IGSF10: variants seen among roughly 807,000 people sequenced by gnomAD.
IGSF10 encodes calvaria mechanical force protein 608.
Under a neutral mutation model 128.2 loss-of-function variants are expected in IGSF10, and 126 were observed. That is an observed-to-expected ratio of 0.98 (90% CI 0.85 to 1.14). The LOEUF (loss-of-function observed/expected upper bound fraction) is 1.14, where lower values mean the gene tolerates loss of function less well. Among genes scored for constraint, IGSF10 ranks in the 50% most tolerant of loss-of-function variants. The pLI is 0.00. For synonymous variants in IGSF10, 1,185 were observed against 1,146.2 expected, an observed-to-expected ratio of 1.03 and a Z score of -0.68; for missense variants, 3,295 against 3,149.8, an observed-to-expected ratio of 1.05 and a Z score of -1.10.
rs989661995 is a variant in IGSF10 at position 151,446,262 on chromosome 3, G to T, written c.3719C>A (p.Pro1240His). 6.2e-7 allele frequency: 1 copy of T among 1,613,856 alleles called. No individual in the cohort carries two copies. The highest frequency in any genetic ancestry group is 8.5e-7 in the Non-Finnish European group (1 of 1,179,876). ...STAVMLPKTS[P>H]ALPRDKVSPF... ...GGAGACTTTGTCTCTGGGTAAAGCA[G>T]GAGATGTTTTAGGAAGCATCACAGC... Residue 1240 changes from proline to histidine, a missense_variant, in exon 6 of 8, where the codon CCT becomes CAT. Coordinates refer to ENST00000282466, the MANE Select transcript of IGSF10 (RefSeq NM_178822.5).
the IGSF10 span, among the ~76,000 whole-genome samples, chr3:151,527,203 C>T: frequency 1.3e-5 from 2 of 152,146 alleles, no homozygotes; most frequent in Non-Finnish European, 2.9e-5. Flanking sequence ...CCCAGCCTGG[C>T]TCTGGAAAAT....
chr3:151,587,052 T>C, the IGSF10 span, among the ~76,000 whole-genome samples: 2 of 152,160 alleles, frequency 1.3e-5, no homozygotes, highest in African/African-American at 4.8e-5. Flanking sequence ...AGCATTTGTT[T>C]TGGTAAGAAA....
At chr3:151,517,491 T>C in the IGSF10 span, among the ~76,000 whole-genome samples, 1 of 151,998 alleles carries the variant, frequency 6.6e-6, no homozygotes, top group African/African-American at 2.4e-5. Context: ...AATCTTTGCA[T>C]GCAGTCATCT....
chr3:151,477,759 G>A, the IGSF10 span, among the ~76,000 whole-genome samples: 1 of 152,166 alleles, frequency 6.6e-6, no homozygotes, highest in Non-Finnish European at 1.5e-5. Flanking sequence ...TGATGTTAGA[G>A]AAGGGGTTGG....
At chr3:151,525,726 C>A in the IGSF10 span, among the ~76,000 whole-genome samples, 1 of 152,170 alleles carries the variant, frequency 6.6e-6, no homozygotes, top group African/African-American at 2.4e-5. Context: ...CACTCCATAC[C>A]CTTACCCTTT....
At chr3:151,536,377 T>C in the IGSF10 span, among the ~76,000 whole-genome samples, 1 of 152,278 alleles carries the variant, frequency 6.6e-6, no homozygotes, top group African/African-American at 2.4e-5. Flanking sequence ...CTTTCCCATG[T>C]AGAGTTTATT....
the IGSF10 span, among the ~76,000 whole-genome samples, chr3:151,544,036 A>C: frequency 6.6e-6 from 1 of 152,280 alleles, no homozygotes; most frequent in African/African-American, 2.4e-5. Flanking sequence ...CAGCCTCCCA[A>C]GTAGCTGGGA....
At chr3:151,550,755 G>A in the IGSF10 span, among the ~76,000 whole-genome samples, 9 of 151,988 alleles carry the variant, frequency 5.9e-5, no homozygotes, top group African/African-American at 2.2e-4. Context: ...GGCTTCATGT[G>A]GCCAGCACCA....
upstream of IGSF10, among the ~76,000 whole-genome samples, chr3:151,465,564 G>C (rs988422465): frequency 6.6e-6 from 1 of 152,192 alleles, no homozygotes; most frequent in Non-Finnish European, 1.5e-5. Context: ...TTAATGAAAA[G>C]ACATTATTAT....
the IGSF10 span, among the ~76,000 whole-genome samples, chr3:151,559,988 G>A: frequency 2.6e-5 from 4 of 152,046 alleles, no homozygotes; most frequent in Admixed American, 2.6e-4. Context: ...TTTATGAGGA[G>A]ATGGTGTAGT....
intron 2 of IGSF10, among the ~76,000 whole-genome samples, chr3:151,460,014 C>G (rs1053102367): frequency 1.1e-4 from 17 of 152,142 alleles, no homozygotes; most frequent in African/African-American, 4.1e-4. Flanking sequence ...TCGTAACCAC[C>G]TGGTTACAAT....
rs1721004797 is a variant in IGSF10, at chr3:151,443,718, A to G, written c.5229T>C (p.Tyr1743=). The G allele has an allele frequency of 6.2e-7, 1 of 1,614,122 alleles. No individual in the cohort carries two copies. The highest frequency in any genetic ancestry group is 1.3e-5 in the African/African-American group (1 of 75,004). The change falls in exon 7 of 8, where the codon TAT becomes TAC. Residue 1743 remains tyrosine (Y), a synonymous_variant. Coordinates refer to ENST00000282466, the MANE Select transcript of IGSF10 (RefSeq NM_178822.5). ...TACGTCTCTCCAGGATCCTGGGAGGATAGGAAACCACAGACAAGGTGACAT... is the reference window on the plus strand; with the variant it reads ...TACGTCTCTCCAGGATCCTGGGAGGGTAGGAAACCACAGACAAGGTGACAT... The part of the protein sequence containing the change: ...HLHVTLSVVS[Y]PPRILERRTK...
chr3:151,467,689 C>T, the IGSF10 span, among the ~76,000 whole-genome samples: 2 of 151,926 alleles, frequency 1.3e-5, no homozygotes, highest in Non-Finnish European at 2.9e-5. Flanking sequence ...TCGAGACCGT[C>T]CTGGCTAACG....
At chr3:151,586,771 G>A in the IGSF10 span, among the ~76,000 whole-genome samples, 4 of 152,094 alleles carry the variant, frequency 2.6e-5, no homozygotes, top group Non-Finnish European at 4.4e-5. Flanking sequence ...TAATCAACTG[G>A]TGAAATAAAA....
At chr3:151,490,173 G>C in the IGSF10 span, among the ~76,000 whole-genome samples, 12 of 152,132 alleles carry the variant, frequency 7.9e-5, no homozygotes, top group Non-Finnish European at 1.3e-4. Context: ...ACACACATAG[G>C]CTGAAAGTGA....
chr3:151,450,522 G>A (rs541370734), intron 5 of IGSF10, among the ~76,000 whole-genome samples: 18 of 152,234 alleles, frequency 1.2e-4, no homozygotes, highest in African/African-American at 4.3e-4. Flanking sequence ...CTGACCAGTG[G>A]GCATTCTTCA....
chr3:151,460,681 G>A (rs1009402724), intron 1 of IGSF10, among the ~76,000 whole-genome samples: 1 of 151,248 alleles, frequency 6.6e-6, no homozygotes, highest in Non-Finnish European at 1.5e-5. Context: ...GTCTTTTTTG[G>A]ACAAATCTGT....
the IGSF10 span, among the ~76,000 whole-genome samples, chr3:151,525,575 G>C: frequency 1.3e-5 from 2 of 152,076 alleles, no homozygotes; most frequent in African/African-American, 2.4e-5. Flanking sequence ...CTTACCTGAG[G>C]GTTTGAATAA....
At chr3:151,581,290 A>G in the IGSF10 span, among the ~76,000 whole-genome samples, 93 of 152,322 alleles carry the variant, frequency 6.1e-4, 1 homozygote, top group Non-Finnish European at 1.8e-4. Context: ...AGAAATCAGC[A>G]GTTCTCACAC....
Sources: gnomAD v4.1 joint callset for allele counts (sites outside exome capture counted in the v4.1 genomes callset) on GRCh38, gnomAD v4.1.1 for gene constraint, MANE v1.5 for transcripts, NCBI Gene and HGNC (gene_info 2026-07-23, HGNC 2026-07-21) for gene names.